Variants in MARK3 observed in about 807,000 individuals in gnomAD.
The protein encoded by MARK3 is microtubule affinity regulating kinase 3.
In MARK3, 46 loss-of-function variants were observed where a neutral mutation model predicts 90.1. The observed-to-expected ratio is 0.51, with a 90% CI of 0.40 to 0.65. The LOEUF is 0.65. Ranked by LOEUF, MARK3 falls within the 30% of genes least tolerant of loss-of-function variation. MARK3 has a pLI of 0.00. For missense variants in MARK3, 818 were observed against 947.2 expected (o/e 0.86, Z 1.79); for synonymous variants, 321 against 332.6 (o/e 0.97, Z 0.38).
chr14:103,498,703 A>G (rs2075483202), intron 16 of MARK3, among the ~76,000 whole-genome samples, 175 bp downstream of exon 16: 1 of 152,190 alleles, frequency 6.6e-6, no homozygotes, highest in East Asian at 1.9e-4. Context: ...TAACTCTGTC[A>G]GGCATTTTAA....
intron 12 of MARK3, among the ~76,000 whole-genome samples, chr14:103,468,966 T>C (rs2093573110): frequency 6.6e-6 from 1 of 151,858 alleles, no homozygotes; most frequent in South Asian, 2.1e-4. Context: ...ATAGAACTGC[T>C]AGTCTGTAGT....
intron 4 of MARK3, among the ~76,000 whole-genome samples, chr14:103,450,921 CTTTTTTTTTT>C (rs869030067): frequency 2.8e-4 from 15 of 52,634 alleles, no homozygotes; most frequent in Non-Finnish European, 4.5e-4. Context: ...TGTGTGTATT[CTTTTTTTTTT>C]TTTTTTTTTT....
chr14:103,443,919 T>C (rs2092925464), intron 3 of MARK3, among the ~76,000 whole-genome samples: 1 of 152,052 alleles, frequency 6.6e-6, no homozygotes, highest in Admixed American at 6.6e-5. Context: ...TTCTGTAGAG[T>C]GATGAGGGAG....
In MARK3 at chr14:103,459,657, G is replaced by A. The variant is rs145163865; in HGVS notation, c.483+2445G>A. ...TGGGATTACAAGTGTGCACCACCAC[G>A]CCCAGCTAATTTTTTATTTTTTTTT... On this transcript the variant is annotated intron_variant, in intron 6 of 17. Transcript: ENST00000429436. 5.6e-3 allele frequency among the ~76,000 whole-genome samples: 825 copies of A among 146,714 alleles called. 5 individuals carry two copies. Among genetic ancestry groups the A allele is most frequent in the African/African-American group, 0.02 (787 of 39,432 alleles).
At chr14:103,417,801 T>A (rs1048119438) in intron 2 of MARK3, among the ~76,000 whole-genome samples, 3 of 152,176 alleles carry the variant, frequency 2.0e-5, no homozygotes, top group Non-Finnish European at 4.4e-5. Flanking sequence ...GCACGGTGAC[T>A]CATGCCTGTA....
At chr14:103,493,240 CTT>C (rs11437791) in intron 15 of MARK3, among the ~76,000 whole-genome samples, 1 of 123,160 alleles carries the variant, frequency 8.1e-6, no homozygotes, top group Non-Finnish European at 1.6e-5. Context: ...GGGAGTATTC[CTT>C]TTTTTTTTTT....
chr14:103,399,937 C>A (rs2090849685), intron 1 of MARK3, among the ~76,000 whole-genome samples: 1 of 9,664 alleles, frequency 1.0e-4, no homozygotes. Flanking sequence ...CCCCCACCCT[C>A]CTTTTTTTTT....
chr14:103,457,700 A>T (rs905456358), intron 6 of MARK3, among the ~76,000 whole-genome samples: 3 of 152,222 alleles, frequency 2.0e-5, no homozygotes, highest in Non-Finnish European at 4.4e-5. Context: ...CAAACAGGTT[A>T]CTTGACTCTC....
At chr14:103,488,340 C>G (rs1477270353) in intron 14 of MARK3, among the ~76,000 whole-genome samples, 1 of 152,182 alleles carries the variant, frequency 6.6e-6, no homozygotes, top group Non-Finnish European at 1.5e-5. Flanking sequence ...CAGCTGTGCT[C>G]AAGCAGAAGC....
chr14:103,400,533 C>T (rs973831156), intron 1 of MARK3, among the ~76,000 whole-genome samples: 8 of 152,158 alleles, frequency 5.3e-5, no homozygotes, highest in African/African-American at 1.9e-4. Context: ...AGAATCAGGA[C>T]TCATTTAATC....
chr14:103,434,949 G>GT (rs1331902757), intron 3 of MARK3, among the ~76,000 whole-genome samples: 2 of 152,308 alleles, frequency 1.3e-5, no homozygotes, highest in East Asian at 3.9e-4. Flanking sequence ...GAGGGAGGCT[G>GT]TTTTCTTTTT....
intron 3 of MARK3, among the ~76,000 whole-genome samples, chr14:103,434,458 A>C (rs2092667561): frequency 1.3e-5 from 2 of 152,230 alleles, no homozygotes; most frequent in Non-Finnish European, 2.9e-5. Flanking sequence ...AGAGGTAGGC[A>C]TTAGTAAGGA....
At position 103,467,100 on chromosome 14, in the gene MARK3, A is replaced by C. The variant is rs189704054; in HGVS notation, c.1019A>C (p.Tyr340Ser). ...KRIDIMVGMGYSQEEIQESLS... is the reference protein window; with the variant it reads ...KRIDIMVGMGSSQEEIQESLS... ...TTAGATATTATGGTGGGAATGGGAT[A>C]TTCACAAGAAGAAATTCAAGAATCT... is the stretch of plus-strand genomic sequence containing the variant. Residue 340 changes from tyrosine to serine, a missense_variant, in exon 11 of 18, where the codon TAT becomes TCT. Physicochemically the swap from Tyr to Ser is moderately radical, Grantham distance 144. Coordinates refer to ENST00000429436, the MANE Select transcript of MARK3 (RefSeq NM_001128918.3). The C allele has an allele frequency of 6.4e-7, 1 of 1,568,084 alleles. No individual in the cohort carries two copies. The highest frequency in any genetic ancestry group is 1.3e-5 in the African/African-American group (1 of 74,082).
chr14:103,389,527 C>CAAAAAA (rs2090068219), intron 1 of MARK3, among the ~76,000 whole-genome samples: 1 of 19,370 alleles, frequency 5.2e-5, no homozygotes. Flanking sequence ...GACTCTGTCT[C>CAAAAAA]CAAAAAAAAA....
At chr14:103,421,568 G>A (rs2092223062) in intron 2 of MARK3, among the ~76,000 whole-genome samples, 2 of 152,158 alleles carry the variant, frequency 1.3e-5, no homozygotes, top group South Asian at 4.1e-4. Context: ...CCAGAGGAAC[G>A]TCGGTCTTTA....
chr14:103,389,069 A>G (rs534889058), intron 1 of MARK3, among the ~76,000 whole-genome samples: 1 of 152,188 alleles, frequency 6.6e-6, no homozygotes, highest in African/African-American at 2.4e-5. Flanking sequence ...TTAGATCAAG[A>G]CTAAGAAAAG....
intron 2 of MARK3, among the ~76,000 whole-genome samples, chr14:103,410,229 T>C (rs968417168): frequency 4.6e-5 from 7 of 152,174 alleles, no homozygotes; most frequent in Admixed American, 6.5e-5. Context: ...GGGCTGCATC[T>C]GGCCAGGGCC....
At chr14:103,480,009 A>G (rs1029778977) in intron 13 of MARK3, among the ~76,000 whole-genome samples, 6 of 151,978 alleles carry the variant, frequency 3.9e-5, no homozygotes, top group African/African-American at 1.4e-4. Context: ...CAGGCCGGGC[A>G]CCTCAGGAGG....
At chr14:103,443,959 T>G (rs1408988303) in intron 3 of MARK3, among the ~76,000 whole-genome samples, 1 of 152,092 alleles carries the variant, frequency 6.6e-6, no homozygotes, top group Non-Finnish European at 1.5e-5. Context: ...TTCTGTCCCT[T>G]ATCTGTGTAT....
Sources: allele counts gnomAD v4.1 joint callset (sites outside exome capture counted in the v4.1 genomes callset), GRCh38; gene constraint gnomAD v4.1.1; transcripts MANE v1.5; gene names NCBI Gene and HGNC (gene_info 2026-07-23, HGNC 2026-07-21).